The following ITPR1 variants were observed in gnomAD, a reference collection of about 807,000 sequenced individuals.
The protein encoded by ITPR1 is inositol 1,4,5-trisphosphate receptor type 1, also known as inositol 1,4,5-trisphosphate-gated calcium channel ITPR1.
Under a neutral mutation model 318.4 loss-of-function variants are expected in ITPR1, and 96 were observed. The ratio of observed to expected loss-of-function variants is 0.30; its 90% CI spans 0.26 to 0.36. ITPR1 has a LOEUF of 0.36. Ranked by LOEUF, ITPR1 falls within the 10% of genes least tolerant of loss-of-function variation. The pLI, the probability that ITPR1 is intolerant of heterozygous loss-of-function variation, is 1.00. For missense variants in ITPR1, 2,440 were observed against 3,460.2 expected, an observed-to-expected ratio of 0.71 and a Z score of 7.40; for synonymous variants, 1,312 against 1,289.9, an observed-to-expected ratio of 1.02 and a Z score of -0.37.
chr3:4,587,278 T>G (rs1329185506), intron 4 of ITPR1, among the ~76,000 whole-genome samples: 2 of 150,154 alleles, frequency 1.3e-5, no homozygotes. Context: ...ATGGTTTTTT[T>G]TTTTTTTTTT....
chr3:4,504,104 G>A (rs2081234364), intron 2 of ITPR1, among the ~76,000 whole-genome samples: 1 of 152,134 alleles, frequency 6.6e-6, no homozygotes, highest in Admixed American at 6.5e-5. Flanking sequence ...GCAGCTCTTT[G>A]CCTTGGAAAT....
At chr3:4,817,939 A>T in intron 59 of ITPR1, 143 bp from the exon 60 acceptor site, 1 of 602,740 alleles carries the variant, frequency 1.7e-6, no homozygotes, top group Non-Finnish European at 2.8e-6. Context: ...ACATGAATGT[A>T]CTTATAAGGC....
At chr3:4,685,934 G>A (rs1195974626) in intron 30 of ITPR1, among the ~76,000 whole-genome samples, 1 of 152,168 alleles carries the variant, frequency 6.6e-6, no homozygotes, top group African/African-American at 2.4e-5. Flanking sequence ...TCAGACTCAG[G>A]TCTCTTGAGT....
chr3:4,558,533 A>T (rs2086363320), intron 4 of ITPR1, among the ~76,000 whole-genome samples: 1 of 152,180 alleles, frequency 6.6e-6, no homozygotes, highest in African/African-American at 2.4e-5. Flanking sequence ...CTCTAATGAT[A>T]TCAAAGTTGG....
intron 2 of ITPR1, among the ~76,000 whole-genome samples, chr3:4,512,412 T>G (rs923561906): frequency 1.1e-4 from 16 of 152,190 alleles, no homozygotes; most frequent in African/African-American, 3.6e-4. Context: ...CCAACTTTTA[T>G]TCCATGATTC....
intron 59 of ITPR1, among the ~76,000 whole-genome samples, chr3:4,817,255 A>G (rs1044380233): frequency 6.6e-6 from 1 of 152,230 alleles, no homozygotes; most frequent in Non-Finnish European, 1.5e-5. Flanking sequence ...TTAGAAGCCA[A>G]GATCTGGGGA....
intron 44 of ITPR1, among the ~76,000 whole-genome samples, chr3:4,763,487 T>G (rs988095288): frequency 6.6e-6 from 1 of 152,210 alleles, no homozygotes; most frequent in Non-Finnish European, 1.5e-5. Flanking sequence ...ACCTCTCATT[T>G]CATCTTGACC....
Position 4,782,602 on chromosome 3 carries a change from C to G in ITPR1, c.6388-17C>G, listed in dbSNP as rs367822111. 1.8e-5 allele frequency: 29 copies of G among 1,595,756 alleles called. No individual in the cohort carries two copies. The highest frequency in any genetic ancestry group is 1.3e-5 in the African/African-American group (1 of 74,148). On this transcript the variant is annotated splice_polypyrimidine_tract_variant and intron_variant, in intron 49 of 61. Transcript: ENST00000649015. The stretch of plus-strand genomic sequence containing the variant: ...TTCCTTGAAACAGGATTTTTGTTCC[C>G]TTGGCTCTTCTTGCAGGTGGAAGTG...
chr3:4,769,012 C>T (rs527849819), intron 46 of ITPR1, among the ~76,000 whole-genome samples: 3 of 151,778 alleles, frequency 2.0e-5, no homozygotes, highest in African/African-American at 4.8e-5. Flanking sequence ...TGGGTTCAAG[C>T]GATTCTCCTT....
Position 4,624,327 on chromosome 3 carries a change from T to C in ITPR1, c.164-3436T>C, listed in dbSNP as rs141385038. ...ATCTTGAATATTTTAAAAAGTCATG[T>C]GGTCATTAAGGAAGCCATTCTGGCC... is the stretch of plus-strand genomic sequence containing the variant. On this transcript the variant is annotated intron_variant, in intron 4 of 61. Transcript: ENST00000649015. Among the ~76,000 whole-genome samples, 7 of 152,332 alleles carry C rather than the reference T, an allele frequency of 4.6e-5. No individual in the cohort carries two copies. In the East Asian group the frequency reaches 1.3e-3, roughly 29 times the overall value.
At position 4,795,363 on chromosome 3, in the gene ITPR1, A is replaced by G. The variant is rs190972586; in HGVS notation, c.6931+176A>G. 1.5e-4 allele frequency among the ~76,000 whole-genome samples: 23 copies of G among 152,364 alleles called. No homozygotes were observed. The East Asian group carries it at 3.9e-3, about 26-fold the overall frequency. On this transcript the variant is annotated intron_variant, in intron 53 of 61. Transcript: ENST00000649015. Reference sequence around the variant, plus strand: ...GATTTAGTTTTAAATCTAACTTAAAATAATTTAACTTTTTTATCCATTTTT... The same window carrying G: ...GATTTAGTTTTAAATCTAACTTAAAGTAATTTAACTTTTTTATCCATTTTT...
At chr3:4,625,843 C>T (rs950759289) in intron 4 of ITPR1, among the ~76,000 whole-genome samples, 1 of 152,204 alleles carries the variant, frequency 6.6e-6, no homozygotes, top group African/African-American at 2.4e-5. Context: ...AGGCGTGAGC[C>T]ACCGCATCTG....
At position 4,748,604 on chromosome 3, in the gene ITPR1, G is replaced by C. The variant is rs375319552; in HGVS notation, c.5544+13250G>C. ...GTAGGTTTTCTGGAATTCATCTTGA[G>C]GGTAAGAGTGAAGGCTGGGATGCAC... is the stretch of plus-strand genomic sequence containing the variant. On this transcript the variant is annotated intron_variant, in intron 44 of 61. Transcript: ENST00000649015. Among the ~76,000 whole-genome samples the C allele has an allele frequency of 1.2e-4, 18 of 152,246 alleles. No individual in the cohort carries two copies. In the East Asian group the frequency reaches 3.5e-3, roughly 29 times the overall value.
intron 4 of ITPR1, among the ~76,000 whole-genome samples, chr3:4,616,869 A>G (rs1014225387): frequency 1.2e-4 from 18 of 152,274 alleles, no homozygotes; most frequent in Admixed American, 8.5e-4. Context: ...GCTTGTCTGC[A>G]TCATGGTGGG....
At chr3:4,824,643 G>A (rs2049952522) in intron 60 of ITPR1, among the ~76,000 whole-genome samples, 2 of 152,140 alleles carry the variant, frequency 1.3e-5, no homozygotes, top group Non-Finnish European at 2.9e-5. Flanking sequence ...TCCTTTAAAA[G>A]AGGCAAGATG....
chr3:4,597,332 T>C (rs1389963637), intron 4 of ITPR1, among the ~76,000 whole-genome samples: 1 of 152,202 alleles, frequency 6.6e-6, no homozygotes, highest in East Asian at 1.9e-4. Flanking sequence ...GTTTTTTAAA[T>C]GAAGCTACTA....
chr3:4,633,616 T>G (rs2093085354), intron 5 of ITPR1, among the ~76,000 whole-genome samples: 1 of 152,238 alleles, frequency 6.6e-6, no homozygotes, highest in Admixed American at 6.5e-5. Flanking sequence ...TTTTTCCTTC[T>G]GCAGGAATAA....
At position 4,834,211 on chromosome 3, in the gene ITPR1, G is replaced by A. The variant is rs142916168; in HGVS notation, c.8029-2563G>A. 8.9e-4 allele frequency among the ~76,000 whole-genome samples: 136 copies of A among 152,252 alleles called. 1 individual carries two copies. The highest frequency in any genetic ancestry group is 1.5e-3 in the Non-Finnish European group (101 of 68,022). ...ACTGGCCTGTTAAAAAGAAAATCTA[G>A]ATGGTCACTCTCCTTGACTAAATTG... On this transcript the variant is annotated intron_variant, in intron 60 of 61. Transcript: ENST00000649015.
At chr3:4,645,910 A>C (rs2093445774) in intron 10 of ITPR1, 182 bp downstream of exon 10, 4 of 593,182 alleles carry the variant, frequency 6.7e-6, no homozygotes, top group Admixed American at 3.1e-5. Flanking sequence ...TAAGTCACAA[A>C]CAAGTACTTA....
Sources: allele counts gnomAD v4.1 joint callset (sites outside exome capture counted in the v4.1 genomes callset), GRCh38; gene constraint gnomAD v4.1.1; transcripts MANE v1.5; gene names NCBI Gene and HGNC (gene_info 2026-07-23, HGNC 2026-07-21).